The following EML6 variants were observed in gnomAD, a reference collection of about 807,000 sequenced individuals.
The protein encoded by EML6 is echinoderm microtubule-associated protein-like 6.
A neutral mutation model predicts 240.1 loss-of-function variants in EML6; 154 were observed. That is an observed-to-expected ratio of 0.64 (90% CI 0.56 to 0.73). EML6 has a LOEUF of 0.73. Ranked by LOEUF, EML6 falls within the 30% of genes least tolerant of loss-of-function variation. The pLI is 0.00. For synonymous variants in EML6, 1,148 were observed against 899.0 expected, an observed-to-expected ratio of 1.28 and a Z score of -4.95; for missense variants, 2,964 against 2,474.6, an observed-to-expected ratio of 1.20 and a Z score of -4.20.
At chr2:54,869,705 T>C (rs1281142427) in intron 15 of EML6, among the ~76,000 whole-genome samples, 1 of 141,062 alleles carries the variant, frequency 7.1e-6, no homozygotes, top group Non-Finnish European at 1.5e-5. Flanking sequence ...TCAATAAATA[T>C]TTATTGAATG....
At chr2:54,859,836 G>T in intron 12 of EML6, 135 bp downstream of exon 12, 1 of 694,898 alleles carries the variant, frequency 1.4e-6, no homozygotes, top group East Asian at 3.1e-5. Flanking sequence ...AAAATTTTAA[G>T]ATAAGAAGAA....
intron 2 of EML6, among the ~76,000 whole-genome samples, chr2:54,747,845 T>C (rs1683986534): frequency 6.6e-6 from 1 of 151,732 alleles, no homozygotes; most frequent in Non-Finnish European, 1.5e-5. Flanking sequence ...TTTCTACTAG[T>C]ATACTCATTT....
chr2:54,848,059 C>CT (rs5831324), intron 9 of EML6, among the ~76,000 whole-genome samples: 40,702 of 152,000 alleles, frequency 0.27, 5,749 homozygotes, highest in African/African-American at 0.35. Context: ...AGATTGTGGG[C>CT]TTTGTAGTAA....
At chr2:54,781,209 A>C (rs1668841292) in intron 2 of EML6, among the ~76,000 whole-genome samples, 2 of 152,220 alleles carry the variant, frequency 1.3e-5, no homozygotes, top group Non-Finnish European at 2.9e-5. Context: ...GCCCAGGGAC[A>C]CACAGCTAGT....
intron 17 of EML6, among the ~76,000 whole-genome samples, chr2:54,884,771 A>G (rs542317406): frequency 6.6e-6 from 1 of 152,264 alleles, no homozygotes; most frequent in African/African-American, 2.4e-5. Flanking sequence ...ACAATCTTTT[A>G]TCTCTAGGAA....
chr2:54,730,235 A>T (rs747556955), intron 2 of EML6, among the ~76,000 whole-genome samples: 9 of 152,238 alleles, frequency 5.9e-5, no homozygotes, highest in Non-Finnish European at 1.0e-4. Flanking sequence ...TTTAATTAAA[A>T]AAAATTATTT....
intron 9 of EML6, 44 bp from the exon 10 acceptor site, chr2:54,849,918 A>T: frequency 6.7e-7 from 1 of 1,496,946 alleles, no homozygotes; most frequent in Non-Finnish European, 9.0e-7. Context: ...TGGATTTTCT[A>T]TTTGTAGAAT....
At chr2:54,805,666 CA>C (rs1670430429) in intron 2 of EML6, among the ~76,000 whole-genome samples, 1 of 152,012 alleles carries the variant, frequency 6.6e-6, no homozygotes, top group South Asian at 2.1e-4. Context: ...TATCAAAGAC[CA>C]GAAGTTTTTA....
intron 28 of EML6, among the ~76,000 whole-genome samples, chr2:54,936,095 T>G (rs555394353): frequency 6.6e-6 from 1 of 152,318 alleles, no homozygotes; most frequent in African/African-American, 2.4e-5. Context: ...CATTATCACA[T>G]TAAGAGAAAG....
intron 15 of EML6, 144 bp downstream of exon 15, chr2:54,869,511 C>A: frequency 1.4e-6 from 1 of 692,316 alleles, no homozygotes; most frequent in African/African-American, 1.8e-5. Flanking sequence ...TGGATCCTTC[C>A]AAGATCATGG....
At chr2:54,877,823 C>T (rs1263626416) in intron 16 of EML6, among the ~76,000 whole-genome samples, 3 of 152,220 alleles carry the variant, frequency 2.0e-5, no homozygotes, top group East Asian at 1.9e-4. Flanking sequence ...TTGCCTCATA[C>T]TTCGTAGTGA....
intron 2 of EML6, among the ~76,000 whole-genome samples, chr2:54,789,284 C>CG (rs1669264545): frequency 6.6e-6 from 1 of 151,844 alleles, no homozygotes; most frequent in South Asian, 2.1e-4. Flanking sequence ...GAGGCCAAGG[C>CG]GGGCGGATCA....
chr2:54,884,283 G>C (rs1307428832), intron 17 of EML6, among the ~76,000 whole-genome samples: 3 of 152,220 alleles, frequency 2.0e-5, no homozygotes, highest in Non-Finnish European at 4.4e-5. Flanking sequence ...AAGGGGCACA[G>C]AGCTTCCATG....
intron 17 of EML6, among the ~76,000 whole-genome samples, chr2:54,886,863 C>CT (rs1302906560): frequency 6.6e-6 from 1 of 152,088 alleles, no homozygotes; most frequent in Admixed American, 6.5e-5. Context: ...GGCAAGAATG[C>CT]TTTATAGGTA....
intron 24 of EML6, among the ~76,000 whole-genome samples, chr2:54,909,322 G>A (rs569584032): frequency 6.6e-6 from 1 of 152,296 alleles, no homozygotes; most frequent in African/African-American, 2.4e-5. Flanking sequence ...AATAGTCAAA[G>A]ATAACTAACT....
At chr2:54,920,612 TC>T (rs1340079423) in intron 26 of EML6, among the ~76,000 whole-genome samples, 1 of 151,842 alleles carries the variant, frequency 6.6e-6, no homozygotes, top group African/African-American at 2.4e-5. Context: ...TTAAACTCTT[TC>T]AAAAAAAGAA....
chr2:54,844,716 A>T (rs1322800757), intron 8 of EML6, among the ~76,000 whole-genome samples: 1 of 152,176 alleles, frequency 6.6e-6, no homozygotes, highest in Non-Finnish European at 1.5e-5. Flanking sequence ...TCTCAGATGA[A>T]ATTTTGAACA....
intron 26 of EML6, among the ~76,000 whole-genome samples, chr2:54,924,969 C>T (rs982030052): frequency 6.6e-6 from 1 of 152,194 alleles, no homozygotes; most frequent in Admixed American, 6.5e-5. Flanking sequence ...TGTCTAACTG[C>T]TATCACTCTG....
intron 24 of EML6, among the ~76,000 whole-genome samples, chr2:54,905,261 T>G (rs977903493): frequency 6.6e-6 from 1 of 151,562 alleles, no homozygotes; most frequent in Non-Finnish European, 1.5e-5. Context: ...TCTCCCTATT[T>G]ATTATCTTGC....
Sources: allele counts gnomAD v4.1 joint callset (sites outside exome capture counted in the v4.1 genomes callset), GRCh38; gene constraint gnomAD v4.1.1; transcripts MANE v1.5; gene names NCBI Gene and HGNC (gene_info 2026-07-23, HGNC 2026-07-21).